Variants in COPE observed in about 807,000 individuals in gnomAD.
COPE encodes the protein coat protein complex I subunit epsilon, also known as coatomer subunit epsilon.
A neutral mutation model predicts 42.1 loss-of-function variants in COPE; 19 were observed. The ratio of observed to expected loss-of-function variants is 0.45; its 90% CI spans 0.31 to 0.66. The LOEUF (loss-of-function observed/expected upper bound fraction) is 0.66. COPE is among the 30% of genes least tolerant of loss of function. The pLI, the probability that COPE is intolerant of heterozygous loss-of-function variation, is 0.05. For synonymous variants in COPE, 195 were observed against 181.3 expected (o/e 1.08, Z -0.60); for missense variants, 402 against 416.1 (o/e 0.97, Z 0.30).
intron 4 of COPE, chr19:18,906,039 G>T: frequency 2.4e-6 from 1 of 413,318 alleles, no homozygotes; most frequent in Non-Finnish European, 4.3e-6. Flanking sequence ...CTCTCTGCAG[G>T]CCCCCTCGTC....
chr19:18,918,239 G>T (rs182759181), intron 1 of COPE, among the ~76,000 whole-genome samples: 1 of 150,666 alleles, frequency 6.6e-6, no homozygotes, highest in Non-Finnish European at 1.5e-5. Context: ...AGATGTATGG[G>T]AACAGACACA....
intron 6 of COPE, 127 bp from the exon 7 acceptor site, chr19:18,903,550 C>A (rs965922163): frequency 1.4e-5 from 16 of 1,112,842 alleles, no homozygotes; most frequent in Non-Finnish European, 1.7e-5. Context: ...CGGTTCAAGG[C>A]ACAGCCACTC....
At chr19:18,905,506 C>A in intron 5 of COPE, 70 bp downstream of exon 5, 1 of 1,364,098 alleles carries the variant, frequency 7.3e-7, no homozygotes, top group Admixed American at 2.4e-5. Context: ...ACGCTCTGGG[C>A]TGTGACGCTC....
At chr19:18,917,233 CTTTTTTTCTTTTTTTTTTTTTT>C in intron 1 of COPE, among the ~76,000 whole-genome samples, 1 of 108,946 alleles carries the variant, frequency 9.2e-6, no homozygotes, top group Admixed American at 1.1e-4. Flanking sequence ...TAGAAACATT[CTTTTTTTCTTTTTTTTTTTTTT>C]TTTTTGAGAT....
At chr19:18,905,753 C>A in intron 4 of COPE, 124 bp from the exon 5 acceptor site, 1 of 946,424 alleles carries the variant, frequency 1.1e-6, no homozygotes, top group Admixed American at 2.7e-5. Context: ...GACCACCAGC[C>A]CCGCCCAGCA....
chr19:18,913,129 G>A lies in COPE; in HGVS notation c.127-83C>T, dbSNP rs942865654. On this transcript the variant is annotated intron_variant, in intron 1 of 9. Coordinates refer to ENST00000262812, the MANE Select transcript of COPE (RefSeq NM_007263.4). Reference sequence around the variant, plus strand: ...GGGTGAGCATGACAGACAGGCCCCTGTACACTGGGGACAGGTGGCTTCTCC... The same window carrying A: ...GGGTGAGCATGACAGACAGGCCCCTATACACTGGGGACAGGTGGCTTCTCC... 4.9e-6 allele frequency: 6 copies of A among 1,233,958 alleles called. No individual in the cohort carries two copies. The African/African-American group carries it at 7.4e-5, about 15-fold the overall frequency. The allele number at this position is 1,233,958 out of a possible 1,614,324, so 76.4% of individuals were successfully genotyped here. A position where few individuals can be genotyped will look rare whatever the true frequency, so the allele number is the denominator to read the frequency against.
Position 18,902,772 on chromosome 19 carries a change from AGAAGGAAGGAAGGAAGGAAGGAAGGAAG to A in COPE, c.735+468_735+495del, listed in dbSNP as rs71168781. ...GAAAGGAAGGAAGGAAGGAAGGGAA[AGAAGGAAGGAAGGAAGGAAGGAAGGAAG>A]GAAGGAAGGAAGGAAGGAAGGAAGG... is the stretch of plus-strand genomic sequence containing the variant. On this transcript the variant is annotated intron_variant, in intron 7 of 9. Transcript: ENST00000262812. Among the ~76,000 whole-genome samples the A allele has an allele frequency of 3.8e-4, 12 of 31,954 alleles. 4 individuals carry two copies. Among genetic ancestry groups the A allele is most frequent in the African/African-American group, 1.1e-3 (5 of 4,728 alleles). 21.0% of individuals were successfully genotyped at this position (31,954 alleles called of 152,430 possible).
At chr19:18,914,999 T>C (rs930812388) in intron 1 of COPE, among the ~76,000 whole-genome samples, 2 of 151,998 alleles carry the variant, frequency 1.3e-5, no homozygotes, top group African/African-American at 4.8e-5. Context: ...GTGCTGGGAT[T>C]ACAGGCATGA....
At chr19:18,912,400 C>A (rs1338149888) in intron 2 of COPE, among the ~76,000 whole-genome samples, 1 of 151,916 alleles carries the variant, frequency 6.6e-6, no homozygotes, top group African/African-American at 2.4e-5. Context: ...ATCCTCCCAC[C>A]TCAGCCTCCC....
At chr19:18,906,336 C>T (rs1015804921) in intron 4 of COPE, 81 of 184,336 alleles carry the variant, frequency 4.4e-4, no homozygotes, top group African/African-American at 1.5e-3. Context: ...AACATAGGTG[C>T]ATGTCACCAT....
At chr19:18,909,870 A>G (rs776939892) in intron 3 of COPE, among the ~76,000 whole-genome samples, 5 of 152,146 alleles carry the variant, frequency 3.3e-5, no homozygotes, top group Admixed American at 6.6e-5. Flanking sequence ...CCCTAAATCC[A>G]GCATGTCTTC....
intron 6 of COPE, among the ~76,000 whole-genome samples, chr19:18,903,902 T>C (rs945075933): frequency 2.0e-5 from 3 of 152,226 alleles, no homozygotes; most frequent in African/African-American, 7.2e-5. Context: ...TGTCCTACCA[T>C]ACTAGACGGT....
intron 3 of COPE, among the ~76,000 whole-genome samples, chr19:18,909,060 T>G (rs75316836): frequency 0.015 from 2,315 of 152,332 alleles, 65 homozygotes; most frequent in African/African-American, 0.052. Flanking sequence ...CGGGGCGTCC[T>G]GCCAATGAGG....
intron 7 of COPE, among the ~76,000 whole-genome samples, chr19:18,901,183 C>A (rs2056695072): frequency 6.6e-6 from 1 of 152,224 alleles, no homozygotes; most frequent in African/African-American, 2.4e-5. Context: ...GGGAGGCCAC[C>A]AGGGCCAAGG....
chr19:18,904,608 C>T (rs1384842651), intron 6 of COPE, among the ~76,000 whole-genome samples, 163 bp downstream of exon 6: 3 of 152,234 alleles, frequency 2.0e-5, no homozygotes, highest in East Asian at 1.9e-4. Flanking sequence ...GTGAGAAGCC[C>T]GGAATGGAGT....
chr19:18,913,119 A>G, intron 1 of COPE, 73 bp from the exon 2 acceptor site: 2 of 1,358,808 alleles, frequency 1.5e-6, no homozygotes, highest in South Asian at 2.3e-5. Flanking sequence ...AGCATGACAG[A>G]CAGGCCCCTG....
rs781115587 is a variant in COPE at position 18,919,321 on chromosome 19, A to AGGCCG, written c.23_27dup (p.Ser10ArgfsTer9). On this transcript the variant is annotated frameshift_variant, in exon 1 of 10. Coordinates refer to ENST00000262812, the MANE Select transcript of COPE (RefSeq NM_007263.4). LOFTEE classifies it high-confidence loss of function. ...TCGTCTACCTCCCCGGAGCCGCCGG[A>AGGCCG]GGCCGGGCCGGGGGCCGGAGGCGCC... 1 of 1,613,378 alleles carries AGGCCG rather than the reference A, an allele frequency of 6.2e-7. No individual in the cohort carries two copies. Among genetic ancestry groups the AGGCCG allele is most frequent in the African/African-American group, 1.3e-5 (1 of 74,900 alleles).
chr19:18,910,827 A>G, intron 3 of COPE, 144 bp downstream of exon 3: 1 of 680,728 alleles, frequency 1.5e-6, no homozygotes, highest in Non-Finnish European at 2.6e-6. Context: ...TGAGGCACAA[A>G]GCAGCAGGGG....
At chr19:18,900,720 C>T (rs2056690910) in intron 7 of COPE, among the ~76,000 whole-genome samples, 1 of 152,178 alleles carries the variant, frequency 6.6e-6, no homozygotes, top group Admixed American at 6.5e-5. Context: ...ATTTGTCCCA[C>T]ACATCTCAAA....
Sources: allele counts gnomAD v4.1 joint callset (sites outside exome capture counted in the v4.1 genomes callset), GRCh38; gene constraint gnomAD v4.1.1; transcripts MANE v1.5; gene names NCBI Gene and HGNC (gene_info 2026-07-23, HGNC 2026-07-21).